Variants in PDXDC1 observed in about 807,000 individuals in gnomAD.
PDXDC1 encodes the protein pyridoxal-dependent decarboxylase domain-containing protein 1.
A neutral mutation model predicts 100.1 loss-of-function variants in PDXDC1; 42 were observed. The observed-to-expected ratio is 0.42, with a 90% confidence interval of 0.33 to 0.54. The LOEUF (loss-of-function observed/expected upper bound fraction) is 0.54. Ranked by LOEUF, PDXDC1 falls within the 20% of genes least tolerant of loss-of-function variation. The pLI, the probability that PDXDC1 is intolerant of heterozygous loss-of-function variation, is 0.10. For synonymous variants in PDXDC1, 260 were observed against 371.7 expected (o/e 0.70, Z 3.46); for missense variants, 636 against 979.2 (o/e 0.65, Z 4.68).
chr16:14,976,430 G>T (rs1269514812), intron 1 of PDXDC1, among the ~76,000 whole-genome samples: 1 of 152,278 alleles, frequency 6.6e-6, no homozygotes, highest in Non-Finnish European at 1.5e-5. Context: ...TGCTCACAGT[G>T]GTATAGCCTA....
chr16:15,131,439 C>T, intron 16 of PDXDC1: 1 of 1,608,656 alleles, frequency 6.2e-7, no homozygotes, highest in Non-Finnish European at 8.5e-7. Context: ...TGCTGAAAGC[C>T]TAGGGGATGG....
chr16:15,081,818 TTTA>T (rs1267532967), intron 16 of PDXDC1, among the ~76,000 whole-genome samples: 1 of 152,226 alleles, frequency 6.6e-6, no homozygotes, highest in Non-Finnish European at 1.5e-5. Flanking sequence ...ATGTAGGGCT[TTTA>T]TTGAGTTCAT....
intron 16 of PDXDC1, chr16:15,127,434 A>T (rs1470059168): frequency 1.3e-6 from 2 of 1,512,512 alleles, no homozygotes; most frequent in East Asian, 2.4e-5. Flanking sequence ...CCCAGGCTCC[A>T]TTCCCAGTAC....
intron 1 of PDXDC1, among the ~76,000 whole-genome samples, chr16:14,987,992 CTTTTT>C (rs58211541): frequency 1.9e-4 from 25 of 134,568 alleles, no homozygotes; most frequent in Non-Finnish European, 1.7e-4. Flanking sequence ...TTATACAATT[CTTTTT>C]TTTTTTTTTT....
chr16:15,100,058 C>T (rs1198973644), intron 16 of PDXDC1, among the ~76,000 whole-genome samples: 1 of 152,164 alleles, frequency 6.6e-6, no homozygotes, highest in Non-Finnish European at 1.5e-5. Context: ...CCTCCTGTAA[C>T]CCTCCTGTAA....
At chr16:15,069,754 T>C (rs999194755) in intron 16 of PDXDC1, among the ~76,000 whole-genome samples, 2 of 152,196 alleles carry the variant, frequency 1.3e-5, no homozygotes, top group African/African-American at 4.8e-5. Flanking sequence ...ACTGAAGCTT[T>C]GTACAGGGCG....
In PDXDC1 at chr16:15,110,115, A is replaced by G. The variant is rs1344913117; in HGVS notation, c.1400-28764A>G. ...AGCTGAGATTGTGCCATTGCACTAC[A>G]GCCTGGGCAACACGAGCAAAGCCCC... On this transcript the variant is annotated intron_variant, in intron 16 of 16. Coordinates refer to the PDXDC1 transcript ENST00000535621. Among the ~76,000 whole-genome samples the G allele has an allele frequency of 3.1e-4, 46 of 149,540 alleles. 3 individuals are homozygous for G. The highest frequency in any genetic ancestry group is 4.3e-4 in the South Asian group (2 of 4,662).
intron 16 of PDXDC1, among the ~76,000 whole-genome samples, chr16:15,086,988 A>G (rs1243218219): frequency 2.6e-5 from 4 of 152,230 alleles, no homozygotes; most frequent in Non-Finnish European, 5.9e-5. Context: ...CCATTCCTCC[A>G]TGAAATATTT....
chr16:14,989,080 C>T, intron 1 of PDXDC1: 2 of 1,614,236 alleles, frequency 1.2e-6, no homozygotes, highest in East Asian at 2.2e-5. Context: ...GTCAGGTTCA[C>T]GGTGAGGCCA....
intron 4 of PDXDC1, among the ~76,000 whole-genome samples, chr16:15,003,566 C>T (rs1433000648): frequency 1.3e-5 from 2 of 152,298 alleles, no homozygotes; most frequent in African/African-American, 4.8e-5. Flanking sequence ...CTTAGCTCTA[C>T]CCTCCACAAT....
At chr16:15,059,506 C>G (rs73525498) in intron 16 of PDXDC1, among the ~76,000 whole-genome samples, 8,490 of 152,200 alleles carry the variant, frequency 0.056, 387 homozygotes, top group African/African-American at 0.12. Context: ...AATTAGCGCT[C>G]AGAGAGGTTA....
At chr16:15,002,867 T>C (rs1203148377) in intron 4 of PDXDC1, among the ~76,000 whole-genome samples, 1 of 152,174 alleles carries the variant, frequency 6.6e-6, no homozygotes, top group Non-Finnish European at 1.5e-5. Context: ...ATCTGATAAG[T>C]GAGAAATGGT....
chr16:14,992,533 G>A (rs1971078464), intron 1 of PDXDC1, among the ~76,000 whole-genome samples: 2 of 152,290 alleles, frequency 1.3e-5, no homozygotes, highest in South Asian at 4.1e-4. Context: ...TCTCTTCACT[G>A]TCTGCACTGA....
intron 16 of PDXDC1, among the ~76,000 whole-genome samples, chr16:15,089,548 C>G (rs1356724220): frequency 6.6e-6 from 1 of 152,146 alleles, no homozygotes; most frequent in East Asian, 1.9e-4. Flanking sequence ...CGCCTCTAAT[C>G]CCAGCACTTT....
At chr16:15,102,168 GT>G (rs1169738912) in intron 16 of PDXDC1, among the ~76,000 whole-genome samples, 1 of 151,456 alleles carries the variant, frequency 6.6e-6, no homozygotes, top group Non-Finnish European at 1.5e-5. Flanking sequence ...TTTTAAATTT[GT>G]TATAGAGACA....
At chr16:15,129,041 G>A (rs888507941) in intron 16 of PDXDC1, among the ~76,000 whole-genome samples, 7 of 151,512 alleles carry the variant, frequency 4.6e-5, no homozygotes, top group East Asian at 2.0e-4. Context: ...TCCTGACCCC[G>A]TGATTTGCCT....
chr16:15,129,530 G>A (rs1275996347), intron 16 of PDXDC1, among the ~76,000 whole-genome samples: 1 of 152,256 alleles, frequency 6.6e-6, no homozygotes, highest in African/African-American at 2.4e-5. Context: ...GCCACGGGGA[G>A]GGTGCTGGCG....
chr16:15,072,186 T>C (rs1218359008), intron 16 of PDXDC1, among the ~76,000 whole-genome samples: 1 of 149,972 alleles, frequency 6.7e-6, no homozygotes, highest in African/African-American at 2.5e-5. Context: ...TCTCCTGATC[T>C]CTAGGAAGCC....
chr16:15,112,075 G>C lies in PDXDC1; in HGVS notation c.1400-26804G>C, dbSNP rs1042158237. On this transcript the variant is annotated intron_variant, in intron 16 of 16. Coordinates refer to the PDXDC1 transcript ENST00000535621. ...CTTTACGCAAAACATTCTCACTAAT[G>C]ACTGAATTCCCACCAAATTTCCATA... 8.8e-5 allele frequency among the ~76,000 whole-genome samples: 13 copies of C among 147,876 alleles called. 1 individual carries two copies. The highest frequency in any genetic ancestry group is 2.0e-4 in the Non-Finnish European group (13 of 65,810).
Sources: gnomAD v4.1 joint callset for allele counts (sites outside exome capture counted in the v4.1 genomes callset) on GRCh38, gnomAD v4.1.1 for gene constraint, MANE v1.5 for transcripts, NCBI Gene and HGNC (gene_info 2026-07-23, HGNC 2026-07-21) for gene names.